ZNF808: variants seen among roughly 807,000 people sequenced by gnomAD.
ZNF808 encodes the protein zinc finger protein 808.
ZNF808 carries 5 observed loss-of-function variants against 8.7 expected under a neutral mutation model. That is an observed-to-expected ratio of 0.58 (90% CI 0.30 to 1.21). ZNF808 has a LOEUF of 1.21. Among genes scored for constraint, ZNF808 ranks in the 50% most tolerant of loss-of-function variants. The pLI, the probability that ZNF808 is intolerant of heterozygous loss-of-function variation, is 0.07. For synonymous variants in ZNF808, 380 were observed against 366.0 expected (o/e 1.04, Z -0.44); for missense variants, 1,103 against 1,098.4 (o/e 1.00, Z -0.06).
At chr19:52,564,701 C>T (rs997434443), downstream of ZNF808, among the ~76,000 whole-genome samples, 8 of 152,064 alleles carry the variant, frequency 5.3e-5, no homozygotes, top group African/African-American at 1.9e-4. Context: ...TGCCTGTAAT[C>T]CCAACACTCT....
chr19:52,537,971 G>A (rs2059629512), intron 2 of ZNF808, among the ~76,000 whole-genome samples: 1 of 132,580 alleles, frequency 7.5e-6, no homozygotes, highest in Non-Finnish European at 1.6e-5. Context: ...GGTAGGAAGT[G>A]GTGGGAAAAA....
intron 1 of ZNF808, among the ~76,000 whole-genome samples, chr19:52,530,420 T>C (rs865800759): frequency 3.0e-4 from 46 of 151,998 alleles, no homozygotes; most frequent in African/African-American, 1.0e-3. Flanking sequence ...TCCCAGCACG[T>C]TGGGAGACAG....
chr19:52,550,810 A>T (rs573494888), intron 4 of ZNF808, among the ~76,000 whole-genome samples: 3 of 152,070 alleles, frequency 2.0e-5, no homozygotes, highest in Non-Finnish European at 4.4e-5. Context: ...ATGGCTTCAT[A>T]TAAGTTTTAT....
chr19:52,540,065 C>A (rs2059655941), intron 2 of ZNF808, among the ~76,000 whole-genome samples: 1 of 151,790 alleles, frequency 6.6e-6, no homozygotes, highest in South Asian at 2.1e-4. Flanking sequence ...ACTCTGGAGT[C>A]TAGTGGCACG....
intron 1 of ZNF808, among the ~76,000 whole-genome samples, chr19:52,529,181 G>A (rs573981116): frequency 1.3e-5 from 2 of 151,040 alleles, no homozygotes; most frequent in Non-Finnish European, 2.9e-5. Flanking sequence ...TTCGAGACCA[G>A]CCTGGGCAAC....
rs1436661450 is a variant in ZNF808, at chr19:52,553,275, A to G, written c.359A>G (p.Asp120Gly). 6.2e-7 allele frequency: 1 copy of G among 1,613,894 alleles called. No homozygotes were observed. The change falls in exon 5 of 5, where the codon GAT becomes GGT. Residue 120 changes from aspartate (D) to glycine (G), a missense_variant. By Grantham distance (94) the Asp-to-Gly change is moderately conservative (BLOSUM62 -1). Coordinates refer to ENST00000359798, the MANE Select transcript of ZNF808 (RefSeq NM_001039886.4). The stretch of plus-strand genomic sequence containing the variant: ...AACATTGAGTTTCAGTGTCAAGAAG[A>G]TGAAAGAAATGGCCATGAAGCACCC... ...IHNIEFQCQEDERNGHEAPTT... is the reference protein window; with the variant it reads ...IHNIEFQCQEGERNGHEAPTT...
chr19:52,542,467 A>G (rs2059680686), intron 2 of ZNF808, among the ~76,000 whole-genome samples: 1 of 69,338 alleles, frequency 1.4e-5, no homozygotes, highest in African/African-American at 8.0e-5. Flanking sequence ...CTCAGCTGCA[A>G]GTGACAAGCA....
intron 4 of ZNF808, among the ~76,000 whole-genome samples, chr19:52,551,484 C>T (rs2059775946): frequency 6.6e-6 from 1 of 151,976 alleles, no homozygotes; most frequent in African/African-American, 2.4e-5. Flanking sequence ...AGGTAGTGAT[C>T]TTAACATGTA....
intron 4 of ZNF808, among the ~76,000 whole-genome samples, chr19:52,548,038 T>C (rs981780383): frequency 3.9e-5 from 6 of 151,994 alleles, no homozygotes; most frequent in African/African-American, 1.4e-4. Flanking sequence ...CATGCCCAGC[T>C]CATTCTGGTT....
In ZNF808 at chr19:52,554,104, G is replaced by A; in HGVS notation, c.1188G>A (p.Glu396=). ...ACCATACTAGAATTCATAGTGGAGA[G>A]AAAACATACAAGTGTAATGAGTGTG... ...LANHTRIHSG[E]KTYKCNECGK... is the part of the protein sequence containing the mutation. Residue 396 remains glutamate (E), a synonymous_variant, in exon 5 of 5, where the codon GAG becomes GAA. Transcript: ENST00000359798. The A allele has an allele frequency of 1.9e-6, 3 of 1,613,972 alleles. No homozygotes were observed. Among genetic ancestry groups the A allele is most frequent in the Non-Finnish European group, 2.5e-6 (3 of 1,179,978 alleles).
At position 52,553,735 on chromosome 19, in the gene ZNF808, C is replaced by T. The variant is rs139640068; in HGVS notation, c.819C>T (p.Tyr273=). 648 of 1,614,114 alleles carry T rather than the reference C, an allele frequency of 4.0e-4. 5 individuals carry two copies. The East Asian group carries it at 0.011, about 29-fold the overall frequency. Residue 273 remains tyrosine (Y), a synonymous_variant, in exon 5 of 5, where the codon TAC becomes TAT. Transcript: ENST00000359798. ...VCGKLFNHKQ[Y]LACHRRCHTG... is the part of the protein sequence containing the mutation. Reference sequence around the variant, plus strand: ...GCAAGCTCTTTAATCACAAGCAATACCTTGCATGCCATCGTAGATGTCACA... The same window carrying T: ...GCAAGCTCTTTAATCACAAGCAATATCTTGCATGCCATCGTAGATGTCACA...
chr19:52,557,660 A>G (rs2059842790), downstream of ZNF808, among the ~76,000 whole-genome samples: 1 of 152,160 alleles, frequency 6.6e-6, no homozygotes, highest in Admixed American at 6.6e-5. Context: ...CTGTGTGTTC[A>G]CACTTCTGCA....
At chr19:52,534,779 C>G (rs1339174843) in intron 2 of ZNF808, among the ~76,000 whole-genome samples, 2 of 151,914 alleles carry the variant, frequency 1.3e-5, no homozygotes, top group African/African-American at 4.8e-5. Flanking sequence ...ATACCAGCTA[C>G]TCGAAAGGCT....
At chr19:52,561,986 T>G (rs2059859852) in intron 3 of ZNF808, among the ~76,000 whole-genome samples, 1 of 152,218 alleles carries the variant, frequency 6.6e-6, no homozygotes, top group Non-Finnish European at 1.5e-5. Context: ...CTCCTTTTCC[T>G]GTCTCCCTCA....
rs10420991 is a variant in ZNF808 at position 52,540,421 on chromosome 19, G to C, written c.-19-2845G>C. ...AATTGTTTCTCTATGAAATTTTTTT[G>C]AGTTTACATTGAGGTCTGTGTGCTT... On this transcript the variant is annotated intron_variant, in intron 2 of 4. Transcript: ENST00000359798. Among the ~76,000 whole-genome samples, 1,041 of 152,074 alleles carry C rather than the reference G, an allele frequency of 6.8e-3. 9 individuals are homozygous for C. Among genetic ancestry groups the C allele is most frequent in the African/African-American group, 0.023 (935 of 41,504 alleles).
chr19:52,564,921 C>T (rs901975832), downstream of ZNF808, among the ~76,000 whole-genome samples: 1 of 152,058 alleles, frequency 6.6e-6, no homozygotes, highest in African/African-American at 2.4e-5. Context: ...CCCGTCTCTA[C>T]TAACAATACA....
intron 3 of ZNF808, among the ~76,000 whole-genome samples, chr19:52,544,818 C>T (rs1461310412): frequency 2.0e-5 from 3 of 152,156 alleles, no homozygotes; most frequent in Admixed American, 6.6e-5. Flanking sequence ...GAGTGTCGCT[C>T]TGTTGCCCAT....
At chr19:52,562,384 T>TAAAG (rs201917985) in intron 3 of ZNF808, among the ~76,000 whole-genome samples, 29 of 151,538 alleles carry the variant, frequency 1.9e-4, no homozygotes, top group South Asian at 8.4e-4. Context: ...ATCTCAAAAA[T>TAAAG]AAAGAAAGAA....
chr19:52,555,628 A>T lies in ZNF808; in HGVS notation c.2712A>T (p.Ter904TyrextTer60), dbSNP rs2059829607. ...TTCATGGTATAGGGAAATTTGATTA[A>T]TATAATGATTGTCACAAAGTCTTCA... ...QAIHGIGKFD* is the reference protein window; with the variant it reads ...QAIHGIGKFDY Residue 904 changes from the stop codon to tyrosine, a stop_lost, in exon 5 of 5, where the codon TAA becomes TAT. Coordinates refer to ENST00000359798, the MANE Select transcript of ZNF808 (RefSeq NM_001039886.4). The T allele has an allele frequency of 6.3e-7, 1 of 1,591,578 alleles. No homozygotes were observed. Among genetic ancestry groups the T allele is most frequent in the Non-Finnish European group, 8.5e-7 (1 of 1,170,296 alleles).
Sources: gnomAD v4.1 joint callset for allele counts (sites outside exome capture counted in the v4.1 genomes callset) on GRCh38, gnomAD v4.1.1 for gene constraint, MANE v1.5 for transcripts, NCBI Gene and HGNC (gene_info 2026-07-23, HGNC 2026-07-21) for gene names.